The following DPP6 variants were observed in gnomAD, a reference collection of about 807,000 sequenced individuals.
DPP6 encodes A-type potassium channel modulatory protein DPP6.
A neutral mutation model predicts 122.6 loss-of-function variants in DPP6; 69 were observed. The observed-to-expected ratio is 0.56, with a 90% CI of 0.46 to 0.69. The LOEUF (loss-of-function observed/expected upper bound fraction) is 0.69, where lower values mean the gene tolerates loss of function less well. Among genes scored for constraint, DPP6 ranks in the 30% least tolerant of loss-of-function variants. The pLI is 0.00. For synonymous variants in DPP6, 418 were observed against 433.1 expected (o/e 0.97, Z 0.43); for missense variants, 928 against 1,116.9 (o/e 0.83, Z 2.41).
At chr7:154,538,356 C>A (rs891194719) in intron 3 of DPP6, among the ~76,000 whole-genome samples, 22 of 152,220 alleles carry the variant, frequency 1.4e-4, no homozygotes, top group African/African-American at 5.3e-4. Flanking sequence ...GTATTAAGCC[C>A]TGCATGCATT....
chr7:154,630,507 CAG>C (rs766427629), intron 5 of DPP6, among the ~76,000 whole-genome samples: 15 of 152,234 alleles, frequency 9.9e-5, no homozygotes, highest in Non-Finnish European at 1.9e-4. Flanking sequence ...TGGAAGGAAA[CAG>C]AGAATTCTTT....
the DPP6 span, among the ~76,000 whole-genome samples, chr7:153,871,349 G>A: frequency 6.6e-6 from 1 of 152,206 alleles, no homozygotes; most frequent in African/African-American, 2.4e-5. Flanking sequence ...CCTTGGCAAT[G>A]GTGGGCGCCC....
Position 154,863,452 on chromosome 7 carries a change from C to T in DPP6, c.1715-4543C>T, listed in dbSNP as rs28403534. On this transcript the variant is annotated intron_variant, in intron 17 of 25. Coordinates refer to ENST00000377770, the MANE Select transcript of DPP6 (RefSeq NM_130797.4). The surrounding 1 kb of genome is among the most constrained non-coding windows in gnomAD (Gnocchi z 4.1). ...CCCACTGCAGCCTCGACCTCCAGAG[C>T]TCAAGCTGTCCTCCCACCTCAGCCT... Among the ~76,000 whole-genome samples the T allele has an allele frequency of 0.089, 13,468 of 151,204 alleles. 1,405 individuals carry two copies. Among genetic ancestry groups the T allele is most frequent in the African/African-American group, 0.25 (10,405 of 41,118 alleles).
chr7:154,888,547 G>T (rs1806350964), intron 23 of DPP6, among the ~76,000 whole-genome samples: 1 of 152,218 alleles, frequency 6.6e-6, no homozygotes, highest in African/African-American at 2.4e-5. Flanking sequence ...CATTTTCAGA[G>T]TGGAAACTTG....
chr7:154,482,970 A>G (rs902766310), intron 3 of DPP6, among the ~76,000 whole-genome samples: 2 of 152,172 alleles, frequency 1.3e-5, no homozygotes, highest in African/African-American at 4.8e-5. Context: ...TCTATGAGCA[A>G]TAACTCGGTG....
chr7:153,838,850 G>A, the DPP6 span, among the ~76,000 whole-genome samples: 1 of 152,176 alleles, frequency 6.6e-6, no homozygotes, highest in Non-Finnish European at 1.5e-5. Flanking sequence ...TGCTCTGATT[G>A]TTCCAGCTTA....
intron 1 of DPP6, among the ~76,000 whole-genome samples, chr7:154,325,972 C>CA (rs1395775587): frequency 3.3e-5 from 5 of 151,336 alleles, no homozygotes; most frequent in Non-Finnish European, 5.9e-5. Flanking sequence ...TTTTATTGAC[C>CA]AAAAAAAAGG....
chr7:154,328,357 G>A (rs912102342), intron 1 of DPP6, among the ~76,000 whole-genome samples: 2 of 152,192 alleles, frequency 1.3e-5, no homozygotes, highest in African/African-American at 2.4e-5. Flanking sequence ...ACATCCCGAA[G>A]CAGGGAAGTA....
chr7:153,817,814 C>T, the DPP6 span, among the ~76,000 whole-genome samples: 14 of 150,530 alleles, frequency 9.3e-5, no homozygotes, highest in Non-Finnish European at 1.8e-4. Context: ...ATACCTAATG[C>T]TAAATGACAA....
upstream of DPP6, among the ~76,000 whole-genome samples, chr7:154,050,828 T>G (rs934711902): frequency 7.2e-6 from 1 of 139,756 alleles, no homozygotes; most frequent in South Asian, 2.4e-4. Context: ...TGTTTCTTCA[T>G]AGTAAAGGGT....
intron 1 of DPP6, among the ~76,000 whole-genome samples, chr7:153,938,136 G>A (rs1220690866): frequency 6.6e-6 from 1 of 152,112 alleles, no homozygotes; most frequent in East Asian, 1.9e-4. Context: ...TCTCCTCCCT[G>A]GTTGGAAGGA....
At chr7:154,148,306 C>G (rs1037299963) in intron 1 of DPP6, among the ~76,000 whole-genome samples, 2 of 141,334 alleles carry the variant, frequency 1.4e-5, no homozygotes, top group Non-Finnish European at 3.1e-5. Context: ...GCCTCAGACT[C>G]TCTGCACATG....
At chr7:154,874,408 A>C (rs1804678304) in intron 19 of DPP6, among the ~76,000 whole-genome samples, 1 of 152,210 alleles carries the variant, frequency 6.6e-6, no homozygotes, top group Non-Finnish European at 1.5e-5. Context: ...CCCTGGGTGC[A>C]CACTCACTCT....
At chr7:154,595,408 G>A (rs1053396486) in intron 5 of DPP6, among the ~76,000 whole-genome samples, 1 of 152,066 alleles carries the variant, frequency 6.6e-6, no homozygotes, top group Non-Finnish European at 1.5e-5. Context: ...TGAACTCTTG[G>A]GCTTCCATTT....
At chr7:154,809,384 T>A (rs528432585) in intron 16 of DPP6, among the ~76,000 whole-genome samples, 5 of 152,198 alleles carry the variant, frequency 3.3e-5, no homozygotes, top group Non-Finnish European at 7.4e-5. Flanking sequence ...GCTGGCACCA[T>A]TGTGGATCCC....
chr7:154,256,655 A>T (rs1802676124), intron 1 of DPP6, among the ~76,000 whole-genome samples: 1 of 152,150 alleles, frequency 6.6e-6, no homozygotes, highest in Admixed American at 6.5e-5. Context: ...ACCAAATAAC[A>T]AAGGAAGCAG....
Position 154,804,906 on chromosome 7 carries a change from G to A in DPP6, c.1500-11G>A. The stretch of plus-strand genomic sequence containing the variant: ...GCAAACTAACCCTGTGCACCTTGGT[G>A]ATCTTTGCAGCTACTTCCTGAGCAC... On this transcript the variant is annotated splice_polypyrimidine_tract_variant and intron_variant, in intron 14 of 25. Transcript: ENST00000377770. 6.3e-7 allele frequency: 1 copy of A among 1,599,836 alleles called. No homozygotes were observed. The highest frequency in any genetic ancestry group is 1.1e-5 in the South Asian group (1 of 88,032).
At chr7:154,778,148 T>C (rs905909335) in intron 10 of DPP6, among the ~76,000 whole-genome samples, 6 of 152,162 alleles carry the variant, frequency 3.9e-5, no homozygotes, top group African/African-American at 1.4e-4. Context: ...GCGCGCTTAC[T>C]TTACATCAAT....
intron 1 of DPP6, among the ~76,000 whole-genome samples, chr7:154,098,502 C>T (rs942886233): frequency 6.6e-6 from 1 of 152,046 alleles, no homozygotes; most frequent in Non-Finnish European, 1.5e-5. Flanking sequence ...CAGGTCTAGG[C>T]AGGTAATTAG....
Sources: allele counts gnomAD v4.1 joint callset (sites outside exome capture counted in the v4.1 genomes callset), GRCh38; gene constraint gnomAD v4.1.1; non-coding constraint Gnocchi (gnomAD v3.1); transcripts MANE v1.5; gene names NCBI Gene and HGNC (gene_info 2026-07-23, HGNC 2026-07-21).